NRXN1: variants seen among roughly 807,000 people sequenced by gnomAD.
NRXN1 encodes neurexin 1, also known as neurexin-1.
Under a neutral mutation model 150.9 loss-of-function variants are expected in NRXN1, and 39 were observed. The observed-to-expected ratio is 0.26, with a 90% confidence interval of 0.20 to 0.34. The LOEUF is 0.34. NRXN1 is among the 10% of genes least tolerant of loss of function. The pLI is 1.00. For synonymous variants in NRXN1, 924 were observed against 757.0 expected, an observed-to-expected ratio of 1.22 and a Z score of -3.62; for missense variants, 1,815 against 1,949.9, an observed-to-expected ratio of 0.93 and a Z score of 1.30.
intron 5 of NRXN1, among the ~76,000 whole-genome samples, chr2:50,752,061 A>C (rs1403550954): frequency 2.0e-5 from 3 of 152,006 alleles, no homozygotes; most frequent in African/African-American, 7.2e-5. Context: ...GTGTTATTTC[A>C]CGTGCAGGCT....
intron 22 of NRXN1, among the ~76,000 whole-genome samples, chr2:49,926,859 T>C (rs1283647504): frequency 6.6e-6 from 1 of 152,190 alleles, no homozygotes; most frequent in Admixed American, 6.5e-5. Context: ...TGAGACACAT[T>C]AGACTTCAGT....
chr2:50,168,303 A>G (rs1237493400), intron 18 of NRXN1, among the ~76,000 whole-genome samples: 1 of 152,176 alleles, frequency 6.6e-6, no homozygotes, highest in Non-Finnish European at 1.5e-5. Context: ...TTTTAGCAAT[A>G]ATTTACCTAC....
intron 8 of NRXN1, among the ~76,000 whole-genome samples, chr2:50,605,796 C>T (rs1012102547): frequency 1.4e-5 from 2 of 140,778 alleles, no homozygotes; most frequent in Non-Finnish European, 3.2e-5. Flanking sequence ...TCTGAATATT[C>T]AGCCAAAAAA....
At chr2:50,966,145 T>C (rs780400105) in intron 2 of NRXN1, among the ~76,000 whole-genome samples, 1 of 151,704 alleles carries the variant, frequency 6.6e-6, no homozygotes, top group Non-Finnish European at 1.5e-5. Flanking sequence ...TTGTATCCAA[T>C]ATTTTTTGAA....
intron 18 of NRXN1, among the ~76,000 whole-genome samples, chr2:50,216,332 T>C (rs1003458434): frequency 6.6e-6 from 1 of 152,094 alleles, no homozygotes; most frequent in Non-Finnish European, 1.5e-5. Context: ...TTATTGTTTT[T>C]TCAAACTTAA....
intron 8 of NRXN1, among the ~76,000 whole-genome samples, chr2:50,604,473 CA>C (rs1016371124): frequency 6.6e-6 from 1 of 152,092 alleles, no homozygotes; most frequent in African/African-American, 2.4e-5. Flanking sequence ...AACTTTTATC[CA>C]GCACAATTAT....
intron 5 of NRXN1, among the ~76,000 whole-genome samples, chr2:50,858,081 T>C (rs117176728): frequency 7.2e-6 from 1 of 139,040 alleles, no homozygotes; most frequent in East Asian, 2.1e-4. Context: ...CAGCATGTTT[T>C]ACCCAAATAG....
chr2:51,028,365 A>G lies in NRXN1; in HGVS notation c.-92T>C, dbSNP rs1054698805. ...GACGAAGAAATAAGGGTCCCGAGAG[A>G]CAGAAAGGTAAGGGGAAAGGCGGGA... On this transcript the variant is annotated 5_prime_UTR_variant, in exon 2 of 23. Coordinates refer to ENST00000401669, the MANE Select transcript of NRXN1 (RefSeq NM_001330078.2). The G allele has an allele frequency of 2.4e-6, 2 of 841,488 alleles. No homozygotes were observed. The highest frequency in any genetic ancestry group is 1.7e-5 in the African/African-American group (1 of 57,506). 52.1% of individuals were successfully genotyped at this position (841,488 alleles called of 1,614,324 possible).
chr2:50,503,741 T>C (rs943635865), intron 13 of NRXN1, among the ~76,000 whole-genome samples: 10 of 152,138 alleles, frequency 6.6e-5, no homozygotes, highest in Non-Finnish European at 1.2e-4. Flanking sequence ...ATACTAAATC[T>C]AGGGCAAAAT....
intron 5 of NRXN1, among the ~76,000 whole-genome samples, chr2:50,667,211 C>CT (rs1162421433): frequency 6.6e-6 from 1 of 151,800 alleles, no homozygotes; most frequent in East Asian, 1.9e-4. Context: ...CTGCACTTTT[C>CT]TTTTTCTGAT....
intron 18 of NRXN1, among the ~76,000 whole-genome samples, chr2:50,115,940 G>T (rs1243539126): frequency 6.6e-6 from 1 of 152,004 alleles, no homozygotes; most frequent in East Asian, 1.9e-4. Flanking sequence ...CAGTCTTGGG[G>T]CTAAGCAATT....
intron 2 of NRXN1, among the ~76,000 whole-genome samples, chr2:51,002,125 C>A (rs1169247236): frequency 1.3e-5 from 2 of 152,028 alleles, no homozygotes; most frequent in Non-Finnish European, 2.9e-5. Context: ...TTCAGGTCTT[C>A]ACTTCCTTAC....
chr2:50,319,059 T>A (rs2075825448), intron 17 of NRXN1, among the ~76,000 whole-genome samples: 1 of 152,106 alleles, frequency 6.6e-6, no homozygotes, highest in Non-Finnish European at 1.5e-5. Flanking sequence ...ATGTTTAAAA[T>A]TTGGGATTTT....
At chr2:49,954,515 A>G (rs1374623986) in intron 21 of NRXN1, among the ~76,000 whole-genome samples, 2 of 152,162 alleles carry the variant, frequency 1.3e-5, no homozygotes, top group Non-Finnish European at 2.9e-5. Flanking sequence ...ATAAATGAAC[A>G]GATGAACAGG....
chr2:49,970,257 C>T (rs1677719414), intron 21 of NRXN1: 1 of 151,996 alleles, frequency 6.6e-6, no homozygotes, highest in Non-Finnish European at 1.5e-5. Context: ...AAAAAATTAT[C>T]ATTGATTTTT....
intron 21 of NRXN1, among the ~76,000 whole-genome samples, chr2:49,972,376 A>C (rs777604173): frequency 6.6e-5 from 10 of 152,194 alleles, no homozygotes; most frequent in Non-Finnish European, 1.5e-4. Flanking sequence ...AAATATTCAA[A>C]AGTTATTCTG....
At chr2:50,743,175 A>T (rs1559198119) in intron 5 of NRXN1, among the ~76,000 whole-genome samples, 1 of 152,170 alleles carries the variant, frequency 6.6e-6, no homozygotes, top group Non-Finnish European at 1.5e-5. Context: ...TAGTGAAGCG[A>T]TATGCTTTTT....
chr2:50,262,801 G>C (rs11897893), intron 17 of NRXN1, among the ~76,000 whole-genome samples: 3,970 of 151,970 alleles, frequency 0.026, 171 homozygotes, highest in African/African-American at 0.09. Flanking sequence ...CGCCTCAATG[G>C]TCCACAGATT....
At chr2:50,927,008 G>A (rs1687000787) in intron 2 of NRXN1, among the ~76,000 whole-genome samples, 1 of 151,878 alleles carries the variant, frequency 6.6e-6, no homozygotes, top group Non-Finnish European at 1.5e-5. Context: ...GGGGACTAGG[G>A]CAAGAGCAAG....
Sources: gnomAD v4.1 joint callset for allele counts (sites outside exome capture counted in the v4.1 genomes callset) on GRCh38, gnomAD v4.1.1 for gene constraint, MANE v1.5 for transcripts, NCBI Gene and HGNC (gene_info 2026-07-23, HGNC 2026-07-21) for gene names.